Variants in VPS51 observed in about 807,000 individuals in gnomAD.
The protein encoded by VPS51 is vacuolar protein sorting-associated protein 51 homolog.
VPS51 carries 55 observed loss-of-function variants against 65.1 expected under a neutral mutation model. The observed-to-expected ratio is 0.84, with a 90% CI of 0.68 to 1.06. The LOEUF (loss-of-function observed/expected upper bound fraction) is 1.06, where lower values mean the gene tolerates loss of function less well. Among genes scored for constraint, VPS51 ranks in the 50% least tolerant of loss-of-function variants. The pLI is 0.00. For missense variants in VPS51, 943 were observed against 1,101.6 expected (o/e 0.86, Z 2.04); for synonymous variants, 473 against 489.5 (o/e 0.97, Z 0.44).
rs907419240 is a variant in VPS51 at position 65,107,381 on chromosome 11, C to T, written c.359-200C>T. On this transcript the variant is annotated intron_variant, in intron 2 of 9. Coordinates refer to ENST00000279281, the MANE Select transcript of VPS51 (RefSeq NM_013265.4). The surrounding 1 kb of genome is among the most constrained non-coding windows in gnomAD (Gnocchi z 4.0). The stretch of plus-strand genomic sequence containing the variant: ...GGGGTTACGGGGAGTATGTGAGTAA[C>T]GCCTGCTTTGGGAACATAAACCCCC... The T allele has an allele frequency of 3.0e-6, 2 of 662,662 alleles. No homozygotes were observed. The highest frequency in any genetic ancestry group is 5.2e-6 in the Non-Finnish European group (2 of 383,152). The allele number at this position is 662,662 out of a possible 1,614,324, so 41.0% of individuals were successfully genotyped here.
At position 65,108,531 on chromosome 11, in the gene VPS51, C is replaced by T. The variant is rs766647509; in HGVS notation, c.1060C>T (p.Arg354Trp). ...CAGCCGCTATTTTGCGCTGGTGGAGCGGCGGCTGGCGCAGGAGCAGGGTGG... is the reference window on the plus strand; with the variant it reads ...CAGCCGCTATTTTGCGCTGGTGGAGTGGCGGCTGGCGCAGGAGCAGGGTGG... ...LGSRYFALVE[R>W]RLAQEQGGGD... Residue 354 changes from arginine to tryptophan, a missense_variant, in exon 5 of 10, where the codon CGG (arginine) becomes TGG (tryptophan). This residue lies in a region of VPS51 where 855 missense variants were observed against 953.7 expected (regional missense o/e 0.90). Transcript: ENST00000279281. 44 of 1,585,184 alleles carry T rather than the reference C, an allele frequency of 2.8e-5. No homozygotes were observed. The South Asian group carries it at 3.6e-4, about 13-fold the overall frequency.
At position 65,111,834 on chromosome 11, in the gene VPS51, C is replaced by G; in HGVS notation, c.*247C>G. On this transcript the variant is annotated 3_prime_UTR_variant, in exon 10 of 10. Coordinates refer to ENST00000279281, the MANE Select transcript of VPS51 (RefSeq NM_013265.4). Reference sequence around the variant, plus strand: ...TGCTGGGCCCAGCATGGGCAGGGGGCGGTTCCACTTAAAAACCCTGGGACG... The same window carrying G: ...TGCTGGGCCCAGCATGGGCAGGGGGGGGTTCCACTTAAAAACCCTGGGACG... The G allele has an allele frequency of 1.1e-6, 1 of 928,392 alleles. No individual in the cohort carries two copies. The highest frequency in any genetic ancestry group is 1.6e-6 in the Non-Finnish European group (1 of 623,234). The allele number at this position is 928,392 out of a possible 1,614,324, so 57.5% of individuals were successfully genotyped here. A position where few individuals can be genotyped will look rare whatever the true frequency, so the allele number is the denominator to read the frequency against.
rs180760231 is a variant in VPS51, at chr11:65,097,240, C to T, written c.358+113C>T. 4,847 of 1,468,102 alleles carry T rather than the reference C, an allele frequency of 3.3e-3. 12 individuals are homozygous for T. Among genetic ancestry groups the T allele is most frequent in the Non-Finnish European group, 4.1e-3 (4,382 of 1,080,036 alleles). 90.9% of individuals were successfully genotyped at this position (1,468,102 alleles called of 1,614,324 possible). A position where few individuals can be genotyped will look rare whatever the true frequency, so the allele number is the denominator to read the frequency against. On this transcript the variant is annotated intron_variant, in intron 2 of 9. Transcript: ENST00000279281. ...GGGAGACTCAGATTCCAGTCTTGTC[C>T]TGACATTATTCCATTCTCACCTCCT...
chr11:65,102,286 C>T (rs1244468139), intron 2 of VPS51, among the ~76,000 whole-genome samples: 1 of 152,146 alleles, frequency 6.6e-6, no homozygotes, highest in Non-Finnish European at 1.5e-5. Context: ...GGGTTACAGG[C>T]GTGAGCCACT....
chr11:65,099,946 T>C (rs952358399), intron 2 of VPS51, among the ~76,000 whole-genome samples: 5 of 151,900 alleles, frequency 3.3e-5, no homozygotes, highest in Non-Finnish European at 4.4e-5. Context: ...CTACTAAAAA[T>C]ACAAAAATTA....
intron 4 of VPS51, 60 bp from the exon 5 acceptor site, chr11:65,108,137 G>T: frequency 6.4e-7 from 1 of 1,567,952 alleles, no homozygotes; most frequent in Admixed American, 1.8e-5. Flanking sequence ...TTGCTTTCCT[G>T]CTCCTGCCCC....
chr11:65,100,622 C>T (rs1353609785), intron 2 of VPS51, among the ~76,000 whole-genome samples: 1 of 151,380 alleles, frequency 6.6e-6, no homozygotes, highest in Non-Finnish European at 1.5e-5. Context: ...CCTCCGCCTC[C>T]CCAGTTCAAG....
chr11:65,096,271 C>T lies in VPS51; in HGVS notation c.21C>T (p.Ala7=), dbSNP rs1452445288. The change falls in exon 1 of 10, where the codon GCC becomes GCT. Residue 7 remains alanine (A), a synonymous_variant. Transcript: ENST00000279281. ...GAACGATGGCGGCGGCAGCTGCCGC[C>T]GGGCCTAGCCCGGGGTCTGGACCTG... MAAAAA[A]GPSPGSGPGD... The T allele has an allele frequency of 3.3e-6, 5 of 1,516,902 alleles. No homozygotes were observed. Among genetic ancestry groups the T allele is most frequent in the African/African-American group, 2.9e-5 (2 of 69,926 alleles). The allele number at this position is 1,516,902 out of a possible 1,614,324, so 94.0% of individuals were successfully genotyped here.
Position 65,107,960 on chromosome 11 carries a change from C to A in VPS51, c.663C>A (p.Ala221=). ...QQYQHLPSFR[A]IQDDCQVITA... ...ACCAACACCTGCCCTCGTTCCGCGC[C>A]ATCCAGGACGACTGCCAGGTCATCA... The change falls in exon 4 of 10, where the codon GCC becomes GCA. Residue 221 remains alanine (A), a synonymous_variant. Transcript: ENST00000279281. The surrounding 1 kb of genome is among the most constrained non-coding windows in gnomAD (Gnocchi z 4.0). The A allele has an allele frequency of 6.4e-7, 1 of 1,566,050 alleles. No homozygotes were observed. Among genetic ancestry groups the A allele is most frequent in the Non-Finnish European group, 8.6e-7 (1 of 1,157,866 alleles).
In VPS51 at chr11:65,110,682, TC is replaced by T; in HGVS notation, c.2001-8del. ...CAGGGCGGGCTCTGATTCCTTGTCT[TC>T]CCCAATCCAGTGCCCCGATGGACAC... On this transcript the variant is annotated splice_polypyrimidine_tract_variant and intron_variant, in intron 8 of 9. Coordinates refer to ENST00000279281, the MANE Select transcript of VPS51 (RefSeq NM_013265.4). 6.2e-7 allele frequency: 1 copy of T among 1,614,112 alleles called. No homozygotes were observed.
chr11:65,106,510 G>C (rs909762313), intron 2 of VPS51, among the ~76,000 whole-genome samples: 1 of 152,188 alleles, frequency 6.6e-6, no homozygotes, highest in African/African-American at 2.4e-5. Context: ...CCAGCACTTT[G>C]GGAGGCCAAG....
rs1449342652 is a variant in VPS51 at position 65,108,353 on chromosome 11, ACCT to A, written c.885_887del (p.Pro296del). On this transcript the variant is annotated inframe_deletion, in exon 5 of 10. Coordinates refer to ENST00000279281, the MANE Select transcript of VPS51 (RefSeq NM_013265.4). ...ACCTGGAGGCCGAGCTGGGGCCCTC[ACCT>A]CCGGCTCCCGACGTGTTAGAGTTCA... 6.2e-7 allele frequency: 1 copy of A among 1,611,768 alleles called. No homozygotes were observed. Among genetic ancestry groups the A allele is most frequent in the Non-Finnish European group, 8.5e-7 (1 of 1,179,564 alleles).
chr11:65,108,474 G>T lies in VPS51; in HGVS notation c.1003G>T (p.Glu335Ter). The part of the protein sequence containing the change: ...LFAAQGPAGA[E>*]KLAAFARQLG... ...TGCGGCCCAGGGCCCAGCAGGTGCCGAGAAGCTGGCGGCCTTCGCCCGGCA... is the reference window on the plus strand; with the variant it reads ...TGCGGCCCAGGGCCCAGCAGGTGCCTAGAAGCTGGCGGCCTTCGCCCGGCA... Residue 335 changes from glutamate to a stop codon, truncating the protein, a stop_gained, in exon 5 of 10, where the codon GAG (glutamate) becomes TAG (stop). Transcript: ENST00000279281. LOFTEE classifies it high-confidence loss of function. 2 of 1,608,590 alleles carry T rather than the reference G, an allele frequency of 1.2e-6. No homozygotes were observed. The highest frequency in any genetic ancestry group is 8.5e-7 in the Non-Finnish European group (1 of 1,179,096).
At chr11:65,109,254 G>A (rs1424142477) in intron 5 of VPS51, 26 bp from the exon 6 acceptor site, 1 of 1,601,620 alleles carries the variant, frequency 6.2e-7, no homozygotes, top group Non-Finnish European at 8.5e-7. Context: ...GGGACCTGCT[G>A]TGGACCTGGG....
chr11:65,102,715 CTCTG>C (rs1338072081), intron 2 of VPS51, among the ~76,000 whole-genome samples: 1 of 152,210 alleles, frequency 6.6e-6, no homozygotes, highest in African/African-American at 2.4e-5. Context: ...ACTGCCAAGC[CTCTG>C]TCTGTCTCCC....
At chr11:65,097,714 G>A (rs1043694341) in intron 2 of VPS51, among the ~76,000 whole-genome samples, 1 of 152,068 alleles carries the variant, frequency 6.6e-6, no homozygotes, top group African/African-American at 2.4e-5. Context: ...AAAATTAGCT[G>A]GACAAGATGG....
At chr11:65,098,918 G>A (rs1590809528) in intron 2 of VPS51, among the ~76,000 whole-genome samples, 1 of 152,156 alleles carries the variant, frequency 6.6e-6, no homozygotes. Flanking sequence ...GCCGGGCATG[G>A]GGTTCTCACC....
intron 2 of VPS51, among the ~76,000 whole-genome samples, chr11:65,106,884 G>A (rs1242632567): frequency 6.6e-6 from 1 of 152,194 alleles, no homozygotes; most frequent in Non-Finnish European, 1.5e-5. Context: ...ATGGGGAACT[G>A]AGAGGAGTGT....
chr11:65,101,872 A>G (rs577695468), intron 2 of VPS51, among the ~76,000 whole-genome samples: 4 of 151,620 alleles, frequency 2.6e-5, no homozygotes, highest in Non-Finnish European at 5.9e-5. Flanking sequence ...TCACATAATC[A>G]GCATCCAGGT....
Sources: gnomAD v4.1 joint callset for allele counts (sites outside exome capture counted in the v4.1 genomes callset) on GRCh38, gnomAD v4.1.1 for gene constraint, gnomAD v4.1.1 regional missense constraint, Gnocchi (gnomAD v3.1) non-coding constraint, MANE v1.5 for transcripts, NCBI Gene and HGNC (gene_info 2026-07-23, HGNC 2026-07-21) for gene names.